LIMCH1: variants seen among roughly 807,000 people sequenced by gnomAD.
The protein encoded by LIMCH1 is LIM and calponin homology domains-containing protein 1.
LIMCH1 carries 113 observed loss-of-function variants against 176.5 expected under a neutral mutation model. That is an observed-to-expected ratio of 0.64 (90% CI 0.55 to 0.75). LIMCH1 has a LOEUF of 0.75. Among genes scored for constraint, LIMCH1 ranks in the 30% least tolerant of loss-of-function variants. The pLI is 0.00. For synonymous variants in LIMCH1, 619 were observed against 645.9 expected (o/e 0.96, Z 0.63); for missense variants, 1,674 against 1,814.9 (o/e 0.92, Z 1.41).
intron 13 of LIMCH1, among the ~76,000 whole-genome samples, chr4:41,635,379 C>T (rs1222566453): frequency 6.6e-6 from 1 of 152,174 alleles, no homozygotes; most frequent in Non-Finnish European, 1.5e-5. Flanking sequence ...ATGCGCCCTC[C>T]ACCACGCCCA....
At chr4:41,649,649 A>C (rs1364606246) in intron 17 of LIMCH1, among the ~76,000 whole-genome samples, 1 of 152,202 alleles carries the variant, frequency 6.6e-6, no homozygotes, top group African/African-American at 2.4e-5. Context: ...CTAACTGCAC[A>C]GCTCCCTCTC....
At chr4:41,369,804 G>A (rs184045738) in intron 1 of LIMCH1, among the ~76,000 whole-genome samples, 3 of 151,986 alleles carry the variant, frequency 2.0e-5, no homozygotes, top group East Asian at 3.9e-4. Context: ...TCCTCACTAG[G>A]GCCTCACAGC....
intron 22 of LIMCH1, among the ~76,000 whole-genome samples, chr4:41,671,931 C>G (rs1013619550): frequency 1.1e-4 from 16 of 147,188 alleles, no homozygotes; most frequent in Non-Finnish European, 1.3e-4. Context: ...AAATTGAGAC[C>G]CAAACAATTG....
intron 1 of LIMCH1, among the ~76,000 whole-genome samples, chr4:41,373,349 G>A (rs941099827): frequency 2.6e-5 from 4 of 152,214 alleles, no homozygotes; most frequent in East Asian, 1.9e-4. Context: ...GTAGGTATGA[G>A]GGAGGTGCAG....
In LIMCH1 at chr4:41,373,770, T is replaced by G. The variant is rs542652746; in HGVS notation, c.96+12834T>G. Among the ~76,000 whole-genome samples the G allele has an allele frequency of 1.6e-4, 24 of 152,212 alleles. 1 individual carries two copies. The highest frequency in any genetic ancestry group is 3.1e-4 in the Non-Finnish European group (21 of 68,030). On this transcript the variant is annotated intron_variant, in intron 1 of 26. Transcript: ENST00000313860. ...TATGGGGTGTGATATGGTTTGGATT[T>G]ATGTCCCTGCCCAAATCTCATGTTG...
chr4:41,446,510 A>G (rs2063308053), intron 1 of LIMCH1, among the ~76,000 whole-genome samples: 1 of 152,224 alleles, frequency 6.6e-6, no homozygotes, highest in South Asian at 2.1e-4. Flanking sequence ...GTGAGCTTTG[A>G]ATGCTGATTG....
intron 1 of LIMCH1, among the ~76,000 whole-genome samples, chr4:41,414,114 A>G (rs1182847203): frequency 6.6e-6 from 1 of 152,208 alleles, no homozygotes; most frequent in East Asian, 1.9e-4. Context: ...AGTAAATAAA[A>G]CATGATATAA....
intron 13 of LIMCH1, among the ~76,000 whole-genome samples, chr4:41,638,110 T>C (rs778451860): frequency 5.3e-4 from 41 of 77,892 alleles, no homozygotes; most frequent in Middle Eastern, 7.8e-3. Flanking sequence ...GTTTTGTTGT[T>C]GTTGTTGTTG....
chr4:41,395,951 T>C (rs1333469039), intron 1 of LIMCH1, among the ~76,000 whole-genome samples: 1 of 152,112 alleles, frequency 6.6e-6, no homozygotes, highest in Non-Finnish European at 1.5e-5. Context: ...TTTAAGGTGA[T>C]CAGGGACAGT....
intron 1 of LIMCH1, among the ~76,000 whole-genome samples, chr4:41,429,399 A>C (rs939497421): frequency 6.6e-6 from 1 of 152,016 alleles, no homozygotes; most frequent in Non-Finnish European, 1.5e-5. Flanking sequence ...GAACATACTT[A>C]TTATTCTGGC....
chr4:41,498,920 G>A (rs1005352645), intron 2 of LIMCH1, among the ~76,000 whole-genome samples: 1 of 149,090 alleles, frequency 6.7e-6, no homozygotes, highest in Non-Finnish European at 1.5e-5. Context: ...TGTGTTTTAT[G>A]TTTTTAAAGG....
At chr4:41,574,719 C>T (rs1433606333) in intron 1 of LIMCH1, among the ~76,000 whole-genome samples, 1 of 152,138 alleles carries the variant, frequency 6.6e-6, no homozygotes, top group Non-Finnish European at 1.5e-5. Context: ...AAATGTGGCT[C>T]GAGTATTCTA....
At chr4:41,510,187 A>G (rs1246086897) in intron 2 of LIMCH1, among the ~76,000 whole-genome samples, 1 of 152,204 alleles carries the variant, frequency 6.6e-6, no homozygotes, top group Non-Finnish European at 1.5e-5. Context: ...CTCCTTAATA[A>G]ATATTAAAAT....
At chr4:41,634,980 G>T (rs961007805) in intron 13 of LIMCH1, among the ~76,000 whole-genome samples, 4 of 152,098 alleles carry the variant, frequency 2.6e-5, no homozygotes, top group Non-Finnish European at 2.9e-5. Context: ...AAAGAAGGAG[G>T]TGAGGCCTAG....
chr4:41,686,709 G>C (rs1329967810), intron 28 of LIMCH1, among the ~76,000 whole-genome samples: 3 of 152,144 alleles, frequency 2.0e-5, no homozygotes, highest in Non-Finnish European at 2.9e-5. Flanking sequence ...ATAGGGTTTT[G>C]TGCCTGGCTA....
At chr4:41,575,901 C>CT (rs1470077036) in intron 1 of LIMCH1, among the ~76,000 whole-genome samples, 1 of 152,138 alleles carries the variant, frequency 6.6e-6, no homozygotes, top group East Asian at 1.9e-4. Flanking sequence ...ATAGCTGCCT[C>CT]TAAGTAGAAG....
At chr4:41,500,427 C>G (rs1263822554) in intron 2 of LIMCH1, among the ~76,000 whole-genome samples, 1 of 152,094 alleles carries the variant, frequency 6.6e-6, no homozygotes, top group Non-Finnish European at 1.5e-5. Context: ...TTTTACATTA[C>G]CCTTAATCGC....
At position 41,646,124 on chromosome 4, in the gene LIMCH1, A is replaced by G. The variant is rs1056453065; in HGVS notation, c.2255A>G (p.Asp752Gly). ...ATTATATCTTTCTTTCCCTGCCAGG[A>G]CCTGGCTCGTTGGAAGAGTCGTAGA... ...LREEDDKWQD[D>G]LARWKSRRRS... The change falls in exon 16 of 32, where the codon GAC becomes GGC. Residue 752 changes from aspartate (D) to glycine (G), a missense_variant and splice_region_variant. Coordinates refer to ENST00000503057, the MANE Select transcript of LIMCH1 (RefSeq NM_001330672.2). 6.2e-7 allele frequency: 1 copy of G among 1,607,088 alleles called. No individual in the cohort carries two copies. Among genetic ancestry groups the G allele is most frequent in the Non-Finnish European group, 8.5e-7 (1 of 1,178,334 alleles).
intron 2 of LIMCH1, among the ~76,000 whole-genome samples, chr4:41,498,634 C>T (rs113080163): frequency 3.2e-3 from 491 of 152,308 alleles, no homozygotes; most frequent in African/African-American, 7.9e-3. Context: ...CAATCATATA[C>T]GGCACAGTGT....
Sources: allele counts gnomAD v4.1 joint callset (sites outside exome capture counted in the v4.1 genomes callset), GRCh38; gene constraint gnomAD v4.1.1; transcripts MANE v1.5; gene names NCBI Gene and HGNC (gene_info 2026-07-23, HGNC 2026-07-21).